The following MDGA1 variants were observed in gnomAD, a reference collection of about 807,000 sequenced individuals.
MDGA1 encodes MAM domain containing glycosylphosphatidylinositol anchor 1, also known as MAM domain-containing glycosylphosphatidylinositol anchor protein 1.
A neutral mutation model predicts 101.5 loss-of-function variants in MDGA1; 54 were observed. The observed-to-expected ratio is 0.53, with a 90% confidence interval of 0.43 to 0.67. MDGA1 has a LOEUF of 0.67. Among genes scored for constraint, MDGA1 ranks in the 30% least tolerant of loss-of-function variants. MDGA1 has a pLI of 0.00. For synonymous variants in MDGA1, 533 were observed against 558.3 expected (o/e 0.95, Z 0.64); for missense variants, 1,083 against 1,323.8 (o/e 0.82, Z 2.82).
intron 1 of MDGA1, among the ~76,000 whole-genome samples, chr6:37,692,295 G>A (rs959463383): frequency 1.3e-5 from 2 of 152,156 alleles, no homozygotes; most frequent in African/African-American, 4.8e-5. Flanking sequence ...CAGATGTCCG[G>A]AGGTGGGAGG....
intron 1 of MDGA1, among the ~76,000 whole-genome samples, chr6:37,676,224 T>A (rs781562579): frequency 1.3e-5 from 2 of 152,206 alleles, no homozygotes; most frequent in Non-Finnish European, 2.9e-5. Context: ...TCGCTAGGGA[T>A]AGGGCACCAC....
rs1335487550 is a variant in MDGA1, at chr6:37,635,784, G to T, written c.*1584C>A. The T allele has an allele frequency of 2.5e-6, 1 of 398,482 alleles. No homozygotes were observed. The highest frequency in any genetic ancestry group is 4.4e-6 in the Non-Finnish European group (1 of 226,110). 24.7% of individuals were successfully genotyped at this position (398,482 alleles called of 1,614,324 possible). A position where few individuals can be genotyped will look rare whatever the true frequency, so the allele number is the denominator to read the frequency against. On this transcript the variant is annotated 3_prime_UTR_variant, in exon 17 of 17. Transcript: ENST00000434837. ...CGTCATCCATAGGGGATGAAAGGTG[G>T]AATTTCAGGCCATCGCAGGCAGCTT... is the stretch of plus-strand genomic sequence containing the variant.
chr6:37,666,948 A>T (rs1761768171), intron 1 of MDGA1, among the ~76,000 whole-genome samples: 1 of 152,234 alleles, frequency 6.6e-6, no homozygotes, highest in Admixed American at 6.5e-5. Flanking sequence ...TAGTTTTCTC[A>T]TCTCTAAAAT....
At chr6:37,683,501 T>G (rs959030366) in intron 1 of MDGA1, among the ~76,000 whole-genome samples, 4 of 150,786 alleles carry the variant, frequency 2.7e-5, no homozygotes, top group Non-Finnish European at 5.9e-5. Context: ...AGCTCCCAAT[T>G]GCCAATGCCT....
chr6:37,668,220 C>T (rs1469810050), intron 1 of MDGA1, among the ~76,000 whole-genome samples: 2 of 149,676 alleles, frequency 1.3e-5, no homozygotes, highest in East Asian at 3.9e-4. Context: ...CACTGCATTC[C>T]AGCCTGGGCA....
intron 1 of MDGA1, among the ~76,000 whole-genome samples, chr6:37,683,171 C>G (rs745844926): frequency 1.3e-5 from 2 of 152,164 alleles, no homozygotes; most frequent in Non-Finnish European, 2.9e-5. Context: ...CAACCCTGTC[C>G]TCCGCAGGTA....
intron 1 of MDGA1, among the ~76,000 whole-genome samples, chr6:37,664,667 C>T (rs1761705036): frequency 7.5e-6 from 1 of 133,006 alleles, no homozygotes; most frequent in Non-Finnish European, 1.6e-5. Context: ...TGTCATACTC[C>T]AGAGCTCCCC....
At chr6:37,694,556 C>G (rs1425691699) in intron 1 of MDGA1, among the ~76,000 whole-genome samples, 2 of 152,168 alleles carry the variant, frequency 1.3e-5, no homozygotes, top group Non-Finnish European at 2.9e-5. Flanking sequence ...GAACTAGTCC[C>G]AGATCTTCGA....
At chr6:37,659,171 T>C (rs1761565328) in intron 2 of MDGA1, among the ~76,000 whole-genome samples, 1 of 152,114 alleles carries the variant, frequency 6.6e-6, no homozygotes, top group Non-Finnish European at 1.5e-5. Flanking sequence ...GCCTGACAGC[T>C]GGATTGCAGC....
At chr6:37,692,279 C>T (rs1762325256) in intron 1 of MDGA1, among the ~76,000 whole-genome samples, 1 of 152,182 alleles carries the variant, frequency 6.6e-6, no homozygotes, top group Non-Finnish European at 1.5e-5. Flanking sequence ...GGGACCGTGT[C>T]AGGCTCAGAT....
intron 14 of MDGA1, among the ~76,000 whole-genome samples, chr6:37,640,063 T>G (rs1166797948): frequency 6.6e-6 from 1 of 151,798 alleles, no homozygotes; most frequent in Admixed American, 6.6e-5. Context: ...GAGCAGAGAG[T>G]GGTCTGGGCC....
rs1023326784 is a variant in MDGA1, at chr6:37,697,332, C to T, written c.-521G>A. 1 of 152,272 alleles carries T rather than the reference C, an allele frequency of 6.6e-6. No individual in the cohort carries two copies. The highest frequency in any genetic ancestry group is 1.5e-5 in the Non-Finnish European group (1 of 68,130). 9.4% of individuals were successfully genotyped at this position (152,272 alleles called of 1,614,324 possible). A position where few individuals can be genotyped will look rare whatever the true frequency, so the allele number is the denominator to read the frequency against. ...GGCCGCTGCCGTGGGCTCAGCGGCC[C>T]GACTCCAGGGGGCCGGGCTGAAAGC... is the stretch of plus-strand genomic sequence containing the variant. On this transcript the variant is annotated 5_prime_UTR_variant, in exon 1 of 17. Transcript: ENST00000434837.
chr6:37,663,757 G>A (rs925153842), intron 2 of MDGA1, among the ~76,000 whole-genome samples: 3 of 152,176 alleles, frequency 2.0e-5, no homozygotes, highest in Admixed American at 6.5e-5. Flanking sequence ...CCCCTCAGCC[G>A]TCCATGTTTT....
intron 1 of MDGA1, among the ~76,000 whole-genome samples, chr6:37,672,431 C>A (rs1028517614): frequency 2.6e-5 from 4 of 152,052 alleles, no homozygotes; most frequent in African/African-American, 9.7e-5. Context: ...AGAGCAAGAC[C>A]CCTATCAAAA....
Position 37,692,517 on chromosome 6 carries a change from C to T in MDGA1, c.67+4228G>A, listed in dbSNP as rs528595734. On this transcript the variant is annotated intron_variant, in intron 1 of 16. Transcript: ENST00000434837. ...CATTCCTGCCTCTGTCTCACTCCTC[C>T]CAGGCCCTCCCCCATGCCTCCTGGG... is the stretch of plus-strand genomic sequence containing the variant. Among the ~76,000 whole-genome samples the T allele has an allele frequency of 2.3e-4, 35 of 152,194 alleles. 1 individual carries two copies. In the South Asian group the frequency reaches 6.6e-3, roughly 29 times the overall value.
chr6:37,650,939 C>G lies in MDGA1; in HGVS notation c.1313-534G>C, dbSNP rs79087362. ...TACAGCCACGTGACTAAATTCTCGC[C>G]AATGGGATACTAAGGAAAATGAGGG... On this transcript the variant is annotated intron_variant, in intron 7 of 16. Coordinates refer to ENST00000434837, the MANE Select transcript of MDGA1 (RefSeq NM_153487.4). Among the ~76,000 whole-genome samples the G allele has an allele frequency of 5.2e-3, 790 of 152,320 alleles. 7 individuals are homozygous for G. Among genetic ancestry groups the G allele is most frequent in the Non-Finnish European group, 6.4e-3 (438 of 68,032 alleles).
At chr6:37,692,546 C>G (rs1389775460) in intron 1 of MDGA1, among the ~76,000 whole-genome samples, 1 of 152,076 alleles carries the variant, frequency 6.6e-6, no homozygotes, top group Non-Finnish European at 1.5e-5. Context: ...TCCTGGGCAG[C>G]TGGGAGAAGC....
chr6:37,695,421 C>T (rs1036169714), intron 1 of MDGA1, among the ~76,000 whole-genome samples: 1 of 152,306 alleles, frequency 6.6e-6, no homozygotes, highest in Non-Finnish European at 1.5e-5. Context: ...TGTGAGGGGC[C>T]AGGCAGTAAG....
chr6:37,638,730 T>G lies in MDGA1; in HGVS notation c.2537-63A>C. 6.4e-7 allele frequency: 1 copy of G among 1,550,498 alleles called. No homozygotes were observed. The highest frequency in any genetic ancestry group is 8.7e-7 in the Non-Finnish European group (1 of 1,145,164). On this transcript the variant is annotated intron_variant, in intron 14 of 16. Coordinates refer to ENST00000434837, the MANE Select transcript of MDGA1 (RefSeq NM_153487.4). This position sits in a 1 kb window ranked among gnomAD's most constrained non-coding sequence, Gnocchi z 4.8. The stretch of plus-strand genomic sequence containing the variant: ...GCCAGGGCACCCTCACCTTTCCACA[T>G]TTACCAAGCCCTCTTCTCCCACCAT...
Sources: allele counts gnomAD v4.1 joint callset (sites outside exome capture counted in the v4.1 genomes callset), GRCh38; gene constraint gnomAD v4.1.1; non-coding constraint Gnocchi (gnomAD v3.1); transcripts MANE v1.5; gene names NCBI Gene and HGNC (gene_info 2026-07-23, HGNC 2026-07-21).